Variants in COX6C observed in about 807,000 individuals in gnomAD.
The protein encoded by COX6C is cytochrome c oxidase subunit 6C.
A neutral mutation model predicts 6.9 loss-of-function variants in COX6C; 3 were observed. The ratio of observed to expected loss-of-function variants is 0.43; its 90% CI spans 0.20 to 1.12. The LOEUF (loss-of-function observed/expected upper bound fraction) is 1.12. COX6C is among the 50% of genes most tolerant of loss of function. The pLI, the probability that COX6C is intolerant of heterozygous loss-of-function variation, is 0.27. For missense variants in COX6C, 101 were observed against 97.3 expected (o/e 1.04, Z -0.16); for synonymous variants, 32 against 32.0 (o/e 1.00, Z 0.00).
chr8:99,879,461 T>C (rs1817822277), intron 3 of COX6C, among the ~76,000 whole-genome samples: 2 of 152,196 alleles, frequency 1.3e-5, no homozygotes, highest in South Asian at 2.1e-4. Flanking sequence ...ACATAAAAAG[T>C]AGTTTCATGT....
At chr8:99,887,433 T>C (rs1372090192) in intron 3 of COX6C, 57 bp downstream of exon 3, 6 of 1,003,406 alleles carry the variant, frequency 6.0e-6, no homozygotes, top group African/African-American at 3.4e-5. Context: ...TCACCTGTAT[T>C]TGCATTTTAC....
At chr8:99,886,631 T>C (rs1335778155) in intron 3 of COX6C, among the ~76,000 whole-genome samples, 1 of 152,100 alleles carries the variant, frequency 6.6e-6, no homozygotes, top group Non-Finnish European at 1.5e-5. Flanking sequence ...GATGGATGAA[T>C]GGATAACAAT....
chr8:99,890,878 G>A (rs1414344138), intron 2 of COX6C, among the ~76,000 whole-genome samples: 1 of 152,110 alleles, frequency 6.6e-6, no homozygotes, highest in Non-Finnish European at 1.5e-5. Context: ...ACTATAATCG[G>A]CCCACCATTC....
chr8:99,881,358 T>C (rs1465327822), intron 3 of COX6C, among the ~76,000 whole-genome samples: 1 of 149,720 alleles, frequency 6.7e-6, no homozygotes, highest in Non-Finnish European at 1.5e-5. Flanking sequence ...AGACTCCATC[T>C]CTTAAAAAAA....
intron 1 of COX6C, chr8:99,892,942 A>T (rs1818077469): frequency 6.6e-6 from 1 of 152,218 alleles, no homozygotes. Context: ...TATACCATTA[A>T]AACCTGGACG....
chr8:99,880,469 T>C (rs1028400335), intron 3 of COX6C, among the ~76,000 whole-genome samples: 1 of 151,848 alleles, frequency 6.6e-6, no homozygotes, highest in African/African-American at 2.4e-5. Flanking sequence ...AGCTGAAAAA[T>C]GTAGTAACTG....
intron 2 of COX6C, among the ~76,000 whole-genome samples, chr8:99,891,641 G>C (rs1818034202): frequency 6.6e-6 from 1 of 152,334 alleles, no homozygotes; most frequent in African/African-American, 2.4e-5. Context: ...AGAGGCCTCA[G>C]AAGATATCAA....
intron 3 of COX6C, among the ~76,000 whole-genome samples, chr8:99,884,015 A>G (rs1284657324): frequency 2.0e-5 from 3 of 152,200 alleles, no homozygotes; most frequent in Non-Finnish European, 2.9e-5. Flanking sequence ...AACAATGGCC[A>G]AAAAGGACAA....
At chr8:99,881,078 T>C (rs1563526421) in intron 3 of COX6C, among the ~76,000 whole-genome samples, 2 of 152,084 alleles carry the variant, frequency 1.3e-5, no homozygotes, top group Non-Finnish European at 2.9e-5. Flanking sequence ...ATTTGGTTTG[T>C]GCCAGGTACA....
intron 3 of COX6C, among the ~76,000 whole-genome samples, chr8:99,879,816 G>C (rs4633029): frequency 6.6e-6 from 1 of 152,224 alleles, no homozygotes; most frequent in East Asian, 1.9e-4. Context: ...GCCTGAATCA[G>C]AGTGCTAATG....
chr8:99,883,762 G>A (rs1047708872), intron 3 of COX6C, among the ~76,000 whole-genome samples: 33 of 152,030 alleles, frequency 2.2e-4, no homozygotes, highest in African/African-American at 6.0e-4. Context: ...TGCAAAAATC[G>A]TCAACAAAAC....
In COX6C at chr8:99,891,993, C is replaced by T; in HGVS notation, c.29G>A (p.Arg10Gln). 2.5e-6 allele frequency: 4 copies of T among 1,613,054 alleles called. No individual in the cohort carries two copies. The highest frequency in any genetic ancestry group is 2.2e-5 in the East Asian group (1 of 44,878). Residue 10 changes from arginine (R) to glutamine (Q), a missense_variant, in exon 2 of 4, where the codon CGG becomes CAG. By Grantham distance (43) the Arg-to-Gln change is conservative. Transcript: ENST00000520468. ...ACGCCTGGCCAGAAGGCCACGCATC[C>T]GAGGTTTTGGCAAAACTTCGGGAGC... MAPEVLPKP[R>Q]MRGLLARRLR... is the part of the protein sequence containing the mutation.
intron 3 of COX6C, chr8:99,886,416 G>T (rs113681940): frequency 0.034 from 5,235 of 152,194 alleles, 107 homozygotes; most frequent in Non-Finnish European, 0.041. Context: ...TGTTGGGGAG[G>T]ATGGAAAGAG....
At chr8:99,887,715 G>T in intron 2 of COX6C, 97 bp from the exon 3 acceptor site, 1 of 749,196 alleles carries the variant, frequency 1.3e-6, no homozygotes, top group Non-Finnish European at 2.0e-6. Context: ...ACATGTTTTT[G>T]TTCACCCTTT....
rs1180111410 is a variant in COX6C at position 99,878,001 on chromosome 8, C to A, written c.*280G>T. 6.6e-6 allele frequency: 1 copy of A among 152,136 alleles called. No individual in the cohort carries two copies. The highest frequency in any genetic ancestry group is 1.5e-5 in the Non-Finnish European group (1 of 68,026). The allele number at this position is 152,136 out of a possible 1,614,324, so 9.4% of individuals were successfully genotyped here. ...AACTGCAATGAAACGGACAAACTAT[C>A]ACAGTTAAAGATGTGCTAGAACAAT... On this transcript the variant is annotated 3_prime_UTR_variant, in exon 4 of 4. Coordinates refer to ENST00000520468, the MANE Select transcript of COX6C (RefSeq NM_004374.4).
rs200566009 is a variant in COX6C, at chr8:99,891,958, G to A, written c.64C>T (p.His22Tyr). ...GATAGCACGAATGCTACAGCCATAT[G>A]ATTTCGCAGACGCCTGGCCAGAAGG... is the stretch of plus-strand genomic sequence containing the variant. Reference protein sequence around the residue: ...RGLLARRLRNHMAVAFVLSLG... With the variant: ...RGLLARRLRNYMAVAFVLSLG... The change falls in exon 2 of 4, where the codon CAT becomes TAT. Residue 22 changes from histidine (H) to tyrosine (Y), a missense_variant. Coordinates refer to ENST00000520468, the MANE Select transcript of COX6C (RefSeq NM_004374.4). The A allele has an allele frequency of 6.0e-5, 97 of 1,613,986 alleles. No homozygotes were observed. Among genetic ancestry groups the A allele is most frequent in the Non-Finnish European group, 7.4e-5 (87 of 1,180,042 alleles).
intron 3 of COX6C, among the ~76,000 whole-genome samples, chr8:99,879,531 C>T (rs189499868): frequency 6.6e-6 from 1 of 152,118 alleles, no homozygotes; most frequent in East Asian, 1.9e-4. Context: ...AATGAATAAA[C>T]ATATGGACCA....
At chr8:99,890,011 G>A (rs1174740559) in intron 2 of COX6C, among the ~76,000 whole-genome samples, 2 of 151,792 alleles carry the variant, frequency 1.3e-5, no homozygotes, top group African/African-American at 2.4e-5. Flanking sequence ...GGAGAATGGC[G>A]TGAACCCGGG....
At chr8:99,878,751 C>T (rs754887137) in intron 3 of COX6C, 4 of 152,120 alleles carry the variant, frequency 2.6e-5, no homozygotes, top group Non-Finnish European at 4.4e-5. Flanking sequence ...AAAATGCATG[C>T]TCACTGTAAA....
Sources: allele counts gnomAD v4.1 joint callset (sites outside exome capture counted in the v4.1 genomes callset), GRCh38; gene constraint gnomAD v4.1.1; transcripts MANE v1.5; gene names NCBI Gene and HGNC (gene_info 2026-07-23, HGNC 2026-07-21).